The following GPC6 variants were observed in gnomAD, a reference collection of about 807,000 sequenced individuals.
GPC6 encodes glypican-6.
Under a neutral mutation model 55.2 loss-of-function variants are expected in GPC6, and 14 were observed. The observed-to-expected ratio is 0.25, with a 90% CI of 0.17 to 0.40. GPC6 has a LOEUF of 0.40. GPC6 is among the 10% of genes least tolerant of loss of function. The pLI is 1.00. For missense variants in GPC6, 641 were observed against 708.5 expected, an observed-to-expected ratio of 0.90 and a Z score of 1.08; for synonymous variants, 278 against 259.6, an observed-to-expected ratio of 1.07 and a Z score of -0.68.
chr13:93,578,643 G>A lies in GPC6; in HGVS notation c.319+33222G>A, dbSNP rs181236198. 9.9e-4 allele frequency among the ~76,000 whole-genome samples: 141 copies of A among 142,042 alleles called. 1 individual carries two copies. The highest frequency in any genetic ancestry group is 3.4e-3 in the African/African-American group (133 of 39,602). 93.2% of individuals were successfully genotyped at this position (142,042 alleles called of 152,430 possible). A position where few individuals can be genotyped will look rare whatever the true frequency, so the allele number is the denominator to read the frequency against. ...TTTTCAAAAAAACTACATTTGTTTT[G>A]TTTTTTTTTTCCTGCAATTTTTAAG... On this transcript the variant is annotated intron_variant, in intron 2 of 8. Coordinates refer to ENST00000377047, the MANE Select transcript of GPC6 (RefSeq NM_005708.5).
chr13:93,599,042 T>G (rs1454538864), intron 2 of GPC6, among the ~76,000 whole-genome samples: 1 of 152,200 alleles, frequency 6.6e-6, no homozygotes, highest in Non-Finnish European at 1.5e-5. Context: ...TCTTGAAAGC[T>G]TTAGAAATCT....
intron 3 of GPC6, among the ~76,000 whole-genome samples, chr13:94,001,829 G>A (rs996885043): frequency 5.9e-5 from 9 of 152,238 alleles, no homozygotes; most frequent in African/African-American, 2.2e-4. Context: ...CAAGACTATT[G>A]CAATGGGAGA....
intron 1 of GPC6, among the ~76,000 whole-genome samples, chr13:93,449,094 A>G (rs1392026468): frequency 2.0e-5 from 3 of 152,252 alleles, no homozygotes; most frequent in African/African-American, 4.8e-5. Flanking sequence ...GCAGGGATAG[A>G]TATAGTATAG....
intron 6 of GPC6, among the ~76,000 whole-genome samples, chr13:94,365,985 C>T (rs1216181355): frequency 6.6e-6 from 1 of 152,132 alleles, no homozygotes; most frequent in Admixed American, 6.5e-5. Context: ...CTTTGCAATG[C>T]CTCCTCCCCC....
chr13:93,235,577 A>G (rs1295647856), intron 1 of GPC6, among the ~76,000 whole-genome samples: 1 of 152,138 alleles, frequency 6.6e-6, no homozygotes, highest in Non-Finnish European at 1.5e-5. Context: ...GTCTCAGAGG[A>G]GGATGAGAGG....
intron 6 of GPC6, among the ~76,000 whole-genome samples, chr13:94,362,736 CT>C (rs1879115467): frequency 6.6e-6 from 1 of 152,070 alleles, no homozygotes; most frequent in African/African-American, 2.4e-5. Context: ...TGCCCAGAGC[CT>C]AGATGCAATT....
intron 1 of GPC6, among the ~76,000 whole-genome samples, chr13:93,295,888 T>A (rs1264159548): frequency 6.6e-6 from 1 of 152,052 alleles, no homozygotes; most frequent in African/African-American, 2.4e-5. Flanking sequence ...TTTTTTTGTA[T>A]TTTTGGTAGA....
At position 93,427,182 on chromosome 13, in the gene GPC6, G is replaced by A. The variant is rs143190698; in HGVS notation, c.161-118081G>A. 7.9e-3 allele frequency among the ~76,000 whole-genome samples: 1,207 copies of A among 152,102 alleles called. 13 individuals are homozygous for A. The highest frequency in any genetic ancestry group is 0.027 in the African/African-American group (1,136 of 41,478). On this transcript the variant is annotated intron_variant, in intron 1 of 8. Coordinates refer to ENST00000377047, the MANE Select transcript of GPC6 (RefSeq NM_005708.5). The stretch of plus-strand genomic sequence containing the variant: ...GGTTGCGAAAATTTTCTCCCATTTT[G>A]TAGGTTGCCTCTTATGCCATCTCCA...
At chr13:94,340,548 C>T (rs1254064227) in intron 6 of GPC6, among the ~76,000 whole-genome samples, 2 of 152,114 alleles carry the variant, frequency 1.3e-5, no homozygotes, top group Non-Finnish European at 2.9e-5. Flanking sequence ...ATCCTGAACA[C>T]CTCCAAAGGC....
intron 4 of GPC6, among the ~76,000 whole-genome samples, chr13:94,075,487 A>G (rs1168380752): frequency 1.3e-5 from 2 of 152,028 alleles, no homozygotes; most frequent in Non-Finnish European, 2.9e-5. Flanking sequence ...CTACCCACTT[A>G]ATAAATTTTA....
intron 1 of GPC6, among the ~76,000 whole-genome samples, chr13:93,277,800 C>A (rs1336508877): frequency 2.0e-5 from 3 of 152,030 alleles, no homozygotes; most frequent in Non-Finnish European, 4.4e-5. Context: ...AAGCTGAGTG[C>A]CTAGAACTCA....
rs565270354 is a variant in GPC6, at chr13:93,352,817, A to C, written c.160+125201A>C. 3.3e-5 allele frequency among the ~76,000 whole-genome samples: 5 copies of C among 152,278 alleles called. No individual in the cohort carries two copies. In the South Asian group the frequency reaches 1.0e-3, roughly 32 times the overall value. Reference sequence around the variant, plus strand: ...GGTCTTAATCAGATTTACACTGCAAATACAATTGCTCTGATTACTGTGTGA... The same window carrying C: ...GGTCTTAATCAGATTTACACTGCAACTACAATTGCTCTGATTACTGTGTGA... On this transcript the variant is annotated intron_variant, in intron 1 of 8. Coordinates refer to ENST00000377047, the MANE Select transcript of GPC6 (RefSeq NM_005708.5).
chr13:94,186,387 T>G (rs934162863), intron 4 of GPC6, among the ~76,000 whole-genome samples: 2 of 152,244 alleles, frequency 1.3e-5, no homozygotes, highest in Non-Finnish European at 2.9e-5. Context: ...ATTTTCCTCC[T>G]TCTTTAAATT....
At chr13:93,717,467 G>C (rs1317929558) in intron 2 of GPC6, among the ~76,000 whole-genome samples, 2 of 151,468 alleles carry the variant, frequency 1.3e-5, no homozygotes, top group African/African-American at 2.4e-5. Flanking sequence ...TTTTCAAAAA[G>C]CAGGGGAAGA....
At chr13:94,105,960 G>A (rs1160864540) in intron 4 of GPC6, among the ~76,000 whole-genome samples, 3 of 147,506 alleles carry the variant, frequency 2.0e-5, no homozygotes, top group African/African-American at 7.5e-5. Context: ...ACATTGGAAA[G>A]GGTAGCTCCC....
intron 1 of GPC6, among the ~76,000 whole-genome samples, chr13:93,401,999 GC>G (rs1300547002): frequency 6.6e-6 from 1 of 152,100 alleles, no homozygotes; most frequent in East Asian, 1.9e-4. Flanking sequence ...AGAAAGGCGA[GC>G]ATTATCTCCC....
intron 2 of GPC6, among the ~76,000 whole-genome samples, chr13:93,618,220 T>C (rs1294507467): frequency 6.6e-6 from 1 of 152,120 alleles, no homozygotes; most frequent in Non-Finnish European, 1.5e-5. Flanking sequence ...AGTACACATA[T>C]GTATATTTAT....
At chr13:93,642,253 T>C (rs1312342935) in intron 2 of GPC6, among the ~76,000 whole-genome samples, 1 of 152,096 alleles carries the variant, frequency 6.6e-6, no homozygotes, top group Non-Finnish European at 1.5e-5. Context: ...TATTTAGTTT[T>C]CTGTTTCTGC....
chr13:94,279,928 G>A (rs1235870611), intron 4 of GPC6, among the ~76,000 whole-genome samples: 1 of 152,146 alleles, frequency 6.6e-6, no homozygotes, highest in Admixed American at 6.5e-5. Flanking sequence ...TGTTGATTTG[G>A]GGTGAAGAGT....
Sources: allele counts gnomAD v4.1 joint callset (sites outside exome capture counted in the v4.1 genomes callset), GRCh38; gene constraint gnomAD v4.1.1; transcripts MANE v1.5; gene names NCBI Gene and HGNC (gene_info 2026-07-23, HGNC 2026-07-21).